Variants in CNTN5 observed in about 807,000 individuals in gnomAD.
The protein encoded by CNTN5 is contactin-5.
A neutral mutation model predicts 129.1 loss-of-function variants in CNTN5; 77 were observed. The ratio of observed to expected loss-of-function variants is 0.60; its 90% confidence interval spans 0.50 to 0.72. The LOEUF is 0.72. Ranked by LOEUF, CNTN5 falls within the 30% of genes least tolerant of loss-of-function variation. The pLI, the probability that CNTN5 is intolerant of heterozygous loss-of-function variation, is 0.00. For synonymous variants in CNTN5, 509 were observed against 465.6 expected (o/e 1.09, Z -1.20); for missense variants, 1,478 against 1,328.8 (o/e 1.11, Z -1.75).
intron 3 of CNTN5, among the ~76,000 whole-genome samples, chr11:99,765,384 T>C (rs1037791657): frequency 2.0e-5 from 3 of 149,164 alleles, no homozygotes; most frequent in East Asian, 3.9e-4. Flanking sequence ...ATGAAACACA[T>C]ACTGAGTATG....
At chr11:99,373,218 C>G (rs918145102) in intron 2 of CNTN5, among the ~76,000 whole-genome samples, 1 of 151,954 alleles carries the variant, frequency 6.6e-6, no homozygotes, top group Non-Finnish European at 1.5e-5. Flanking sequence ...TCATATAGTT[C>G]AGGTTATAAT....
At chr11:99,445,040 A>C (rs1173299114) in intron 2 of CNTN5, among the ~76,000 whole-genome samples, 1 of 148,422 alleles carries the variant, frequency 6.7e-6, no homozygotes. Flanking sequence ...GTATTTATAT[A>C]TATTTATATA....
chr11:99,734,338 TCTAA>T (rs1206707527), intron 3 of CNTN5, among the ~76,000 whole-genome samples: 1 of 152,216 alleles, frequency 6.6e-6, no homozygotes, highest in African/African-American at 2.4e-5. Flanking sequence ...ATTCATTCTA[TCTAA>T]CTGTATTTTG....
chr11:99,362,657 C>T (rs772533626), intron 2 of CNTN5, among the ~76,000 whole-genome samples: 1 of 150,580 alleles, frequency 6.6e-6, no homozygotes, highest in Non-Finnish European at 1.5e-5. Context: ...TGTTTTAGCT[C>T]TTATGCTTAG....
intron 2 of CNTN5, among the ~76,000 whole-genome samples, chr11:99,412,509 A>T (rs1199059269): frequency 6.6e-6 from 1 of 152,146 alleles, no homozygotes; most frequent in Non-Finnish European, 1.5e-5. Context: ...CACCTCCATC[A>T]TCATCATCAT....
chr11:100,350,679 C>A, intron 23 of CNTN5, 23 bp from the exon 24 acceptor site: 3 of 1,581,198 alleles, frequency 1.9e-6, no homozygotes, highest in Non-Finnish European at 2.6e-6. Flanking sequence ...TATCAAATGT[C>A]TAAACCTTGT....
chr11:99,731,640 C>G (rs74877729), intron 3 of CNTN5, among the ~76,000 whole-genome samples: 2,069 of 152,206 alleles, frequency 0.014, 47 homozygotes, highest in African/African-American at 0.045. Flanking sequence ...CATTTCTAAT[C>G]CTGTCCACAC....
chr11:99,456,013 T>C (rs1419514747), intron 2 of CNTN5, among the ~76,000 whole-genome samples: 4 of 152,172 alleles, frequency 2.6e-5, no homozygotes, highest in Admixed American at 2.0e-4. Flanking sequence ...GGTCTTTCTG[T>C]TTCAGAAGTC....
chr11:99,472,699 C>T (rs896873616), intron 2 of CNTN5, among the ~76,000 whole-genome samples: 5 of 152,000 alleles, frequency 3.3e-5, no homozygotes. Context: ...GATGGAGTCT[C>T]ACTCGGTTGC....
chr11:100,068,636 T>C (rs1943785423), intron 10 of CNTN5, among the ~76,000 whole-genome samples: 1 of 152,142 alleles, frequency 6.6e-6, no homozygotes, highest in Non-Finnish European at 1.5e-5. Context: ...TTAGCATATA[T>C]GACACATAAC....
rs74240250 is a variant in CNTN5 at position 99,794,843 on chromosome 11, C to T, written c.56-24701C>T. Among the ~76,000 whole-genome samples, 1,662 of 115,466 alleles carry T rather than the reference C, an allele frequency of 0.014. 68 individuals carry two copies. In the East Asian group the frequency reaches 0.18, roughly 13 times the overall value. The allele number at this position is 115,466 out of a possible 152,430, so 75.8% of individuals were successfully genotyped here. ...TAGATGACCTATCCTTTCTTGCTAG[C>T]TCCACTTACCTTTTTTTCTTTCATT... On this transcript the variant is annotated intron_variant, in intron 3 of 24. Transcript: ENST00000524871.
intron 9 of CNTN5, among the ~76,000 whole-genome samples, chr11:100,055,215 G>T (rs563113765): frequency 3.3e-5 from 5 of 151,562 alleles, no homozygotes; most frequent in South Asian, 2.1e-4. Context: ...AAAGTCAGAA[G>T]CTCATCGATA....
intron 9 of CNTN5, among the ~76,000 whole-genome samples, chr11:100,039,223 T>G (rs1417429646): frequency 2.0e-5 from 3 of 152,212 alleles, no homozygotes; most frequent in Admixed American, 6.5e-5. Context: ...CTCCTTTACT[T>G]ATGAAGCTTA....
chr11:99,916,735 T>C (rs1355388470), intron 7 of CNTN5, among the ~76,000 whole-genome samples: 1 of 152,146 alleles, frequency 6.6e-6, no homozygotes, highest in Non-Finnish European at 1.5e-5. Context: ...TTATACGTCC[T>C]TTTGCAAGCT....
intron 3 of CNTN5, among the ~76,000 whole-genome samples, chr11:99,742,618 T>C (rs1943921837): frequency 6.6e-6 from 1 of 152,162 alleles, no homozygotes; most frequent in Admixed American, 6.5e-5. Flanking sequence ...GATGGTTTAA[T>C]ATTTATAGAT....
intron 1 of CNTN5, among the ~76,000 whole-genome samples, chr11:99,218,174 C>A (rs567518657): frequency 6.6e-6 from 1 of 151,978 alleles, no homozygotes; most frequent in Non-Finnish European, 1.5e-5. Context: ...AGGTTATTTT[C>A]GTAGTTCTAT....
At chr11:99,806,065 C>T (rs547010150) in intron 3 of CNTN5, among the ~76,000 whole-genome samples, 1 of 152,304 alleles carries the variant, frequency 6.6e-6, no homozygotes, top group Non-Finnish European at 1.5e-5. Flanking sequence ...CATAGAGCCA[C>T]ATTAGCCTTG....
At chr11:99,110,047 A>G (rs1292679840) in intron 1 of CNTN5, among the ~76,000 whole-genome samples, 1 of 152,092 alleles carries the variant, frequency 6.6e-6, no homozygotes, top group Non-Finnish European at 1.5e-5. Flanking sequence ...AGGTAAAGAA[A>G]TATTCGAATA....
intron 21 of CNTN5, among the ~76,000 whole-genome samples, chr11:100,337,786 T>C (rs1952065438): frequency 6.6e-6 from 1 of 152,210 alleles, no homozygotes; most frequent in South Asian, 2.1e-4. Context: ...CTCTTCTGTT[T>C]TGTTTGAAGC....
Sources: allele counts gnomAD v4.1 joint callset (sites outside exome capture counted in the v4.1 genomes callset), GRCh38; gene constraint gnomAD v4.1.1; transcripts MANE v1.5; gene names NCBI Gene and HGNC (gene_info 2026-07-23, HGNC 2026-07-21).